PRDM15: variants seen among roughly 807,000 people sequenced by gnomAD.
The protein encoded by PRDM15 is PR/SET domain 15, also known as PR domain zinc finger protein 15.
A neutral mutation model predicts 128.6 loss-of-function variants in PRDM15; 64 were observed. That is an observed-to-expected ratio of 0.50 (90% CI 0.41 to 0.61). The LOEUF (loss-of-function observed/expected upper bound fraction) is 0.61, where lower values mean the gene tolerates loss of function less well. PRDM15 is among the 20% of genes least tolerant of loss of function. The pLI is 0.00. For synonymous variants in PRDM15, 615 were observed against 621.8 expected (o/e 0.99, Z 0.16); for missense variants, 1,242 against 1,569.1 (o/e 0.79, Z 3.52).
chr21:41,801,110 A>T lies in PRDM15; in HGVS notation c.*130T>A. On this transcript the variant is annotated 3_prime_UTR_variant, in exon 24 of 24. Coordinates refer to ENST00000398548, the MANE Select transcript of PRDM15 (RefSeq NM_001040424.3). ...GGTTGCTGGCGGGGGATCTGGAGAT[A>T]CTCTGCAAAGCTAAGTCAACCTTAC... The T allele has an allele frequency of 5.3e-6, 7 of 1,311,020 alleles. No individual in the cohort carries two copies. The highest frequency in any genetic ancestry group is 7.2e-6 in the Non-Finnish European group (7 of 971,572). The allele number at this position is 1,311,020 out of a possible 1,614,324, so 81.2% of individuals were successfully genotyped here. A position where few individuals can be genotyped will look rare whatever the true frequency, so the allele number is the denominator to read the frequency against.
intron 22 of PRDM15, among the ~76,000 whole-genome samples, chr21:41,803,752 T>C (rs2061480823): frequency 6.6e-6 from 1 of 152,136 alleles, no homozygotes; most frequent in South Asian, 2.1e-4. Context: ...CCCAGTGCCC[T>C]TCATGAAGAC....
intron 17 of PRDM15, 44 bp downstream of exon 17, chr21:41,820,051 C>G (rs764643606): frequency 6.5e-7 from 1 of 1,536,714 alleles, no homozygotes; most frequent in Non-Finnish European, 9.0e-7. Flanking sequence ...CCTGCCAGCC[C>G]CCTCCAGCGA....
chr21:41,823,461 G>A lies in PRDM15; in HGVS notation c.1630-12C>T. Reference sequence around the variant, plus strand: ...CGGCAGGAGAACACCTGTGGCAGAGGAGCCGCATGGTGAGGGGCTGCGGCG... The same window carrying A: ...CGGCAGGAGAACACCTGTGGCAGAGAAGCCGCATGGTGAGGGGCTGCGGCG... On this transcript the variant is annotated splice_polypyrimidine_tract_variant and intron_variant, in intron 13 of 23. Transcript: ENST00000398548. The A allele has an allele frequency of 1.3e-6, 2 of 1,548,178 alleles. No individual in the cohort carries two copies. The highest frequency in any genetic ancestry group is 8.7e-7 in the Non-Finnish European group (1 of 1,146,522).
intron 16 of PRDM15, 35 bp from the exon 17 acceptor site, chr21:41,820,209 G>A (rs771290267): frequency 5.1e-6 from 8 of 1,578,288 alleles, no homozygotes; most frequent in Non-Finnish European, 7.0e-6. Flanking sequence ...TGGCCGCACA[G>A]CCTCGGGGCT....
intron 1 of PRDM15, among the ~76,000 whole-genome samples, chr21:41,871,096 T>C (rs1202910051): frequency 6.6e-6 from 1 of 152,146 alleles, no homozygotes; most frequent in African/African-American, 2.4e-5. Context: ...AAAACACAGA[T>C]ACAGATGGGT....
rs761290191 is a variant in PRDM15, at chr21:41,871,515, GTCGCAGGCCTGCAC to G, written c.-10+7741_-10+7754del. The stretch of plus-strand genomic sequence containing the variant: ...CCACCAGGAGGTAGGGCAGGATTGC[GTCGCAGGCCTGCAC>G]TCGCAGGGCTCAGTGGCTCAGTGTC... On this transcript the variant is annotated intron_variant, in intron 1 of 23. Transcript: ENST00000398548. 6.8e-6 allele frequency: 11 copies of G among 1,606,556 alleles called. No homozygotes were observed. In the Admixed American group the frequency reaches 1.5e-4, roughly 22 times the overall value.
At position 41,821,882 on chromosome 21, in the gene PRDM15, C is replaced by T. The variant is rs371590501; in HGVS notation, c.1896+21G>A. ...CTTCCTCTCCAGACCACCCAGGCAC[C>T]GCGGGGCAAACCCGCCATACCTGGC... is the stretch of plus-strand genomic sequence containing the variant. On this transcript the variant is annotated intron_variant, in intron 15 of 23. Coordinates refer to ENST00000398548, the MANE Select transcript of PRDM15 (RefSeq NM_001040424.3). The surrounding 1 kb of genome is among the most constrained non-coding windows in gnomAD (Gnocchi z 5.4). 133 of 1,612,902 alleles carry T rather than the reference C, an allele frequency of 8.2e-5. No homozygotes were observed. In the African/African-American group the frequency reaches 1.0e-3, roughly 12 times the overall value.
chr21:41,825,256 G>C (rs894798364), intron 13 of PRDM15, among the ~76,000 whole-genome samples: 1 of 152,238 alleles, frequency 6.6e-6, no homozygotes, highest in Admixed American at 6.5e-5. Flanking sequence ...CAGAACTTGG[G>C]GCCATGGCAG....
In PRDM15 at chr21:41,879,159, G is replaced by T. The variant is rs934660987; in HGVS notation, c.-10+111C>A. 2.2e-6 allele frequency: 2 copies of T among 918,350 alleles called. No individual in the cohort carries two copies. The highest frequency in any genetic ancestry group is 1.8e-5 in the African/African-American group (1 of 54,732). 56.9% of individuals were successfully genotyped at this position (918,350 alleles called of 1,614,324 possible). A position where few individuals can be genotyped will look rare whatever the true frequency, so the allele number is the denominator to read the frequency against. ...CGCGCGGCTGCCGGGCGCGGGGGGC[G>T]GGGGGCAGCGGGCCCAGGGCGCGCC... On this transcript the variant is annotated intron_variant, in intron 1 of 23. Coordinates refer to ENST00000398548, the MANE Select transcript of PRDM15 (RefSeq NM_001040424.3). The surrounding 1 kb of genome is among the most constrained non-coding windows in gnomAD (Gnocchi z 5.1).
intron 1 of PRDM15, chr21:41,878,676 G>C: frequency 6.6e-7 from 1 of 1,524,480 alleles, no homozygotes; most frequent in Non-Finnish European, 8.8e-7. Flanking sequence ...GGCGCAGGGG[G>C]TCTGGGAGAC....
intron 17 of PRDM15, 105 bp downstream of exon 17, chr21:41,819,989 CA>C: frequency 1.0e-6 from 1 of 954,778 alleles, no homozygotes; most frequent in Non-Finnish European, 1.6e-6. Context: ...ATGGGGGAGG[CA>C]AGGTGCGACG....
At position 41,801,142 on chromosome 21, in the gene PRDM15, A is replaced by G; in HGVS notation, c.*98T>C. ...AAAGCTAAGTCAACCTTACATTGCA[A>G]TGTATGACTTTTTGTTTGTTTGGTA... On this transcript the variant is annotated 3_prime_UTR_variant, in exon 24 of 24. Coordinates refer to ENST00000398548, the MANE Select transcript of PRDM15 (RefSeq NM_001040424.3). 1.4e-6 allele frequency: 2 copies of G among 1,462,280 alleles called. No homozygotes were observed. Among genetic ancestry groups the G allele is most frequent in the Non-Finnish European group, 1.8e-6 (2 of 1,103,252 alleles). The allele number at this position is 1,462,280 out of a possible 1,614,324, so 90.6% of individuals were successfully genotyped here.
chr21:41,845,982 A>G (rs1221051434), intron 6 of PRDM15, among the ~76,000 whole-genome samples: 1 of 152,034 alleles, frequency 6.6e-6, no homozygotes, highest in Non-Finnish European at 1.5e-5. Context: ...TCTGCTATTT[A>G]TGTCTTGGTG....
At chr21:41,853,455 TTAAA>T (rs1194499500) in intron 5 of PRDM15, among the ~76,000 whole-genome samples, 1 of 152,222 alleles carries the variant, frequency 6.6e-6, no homozygotes, top group Non-Finnish European at 1.5e-5. Flanking sequence ...CATGGCAACA[TTAAA>T]TAACATTTGC....
rs1568879781 is a variant in PRDM15, at chr21:41,806,021, C to CCACCACCAT, written c.2653-1408_2653-1407insATGGTGGTG. 9.6e-4 allele frequency among the ~76,000 whole-genome samples: 25 copies of CCACCACCAT among 26,130 alleles called. 2 individuals carry two copies. The highest frequency in any genetic ancestry group is 7.2e-3 in the Admixed American group (22 of 3,068). The allele number at this position is 26,130 out of a possible 152,430, so 17.1% of individuals were successfully genotyped here. On this transcript the variant is annotated intron_variant, in intron 21 of 23. Coordinates refer to ENST00000398548, the MANE Select transcript of PRDM15 (RefSeq NM_001040424.3). Reference sequence around the variant, plus strand: ...ACCACCACCATCACCACCACCATCACCACCACCACCATCACCACCACCATC... The same window carrying CCACCACCAT: ...ACCACCACCATCACCACCACCATCACCACCACCATCACCACCACCATCACCACCACCATC...
chr21:41,857,521 AG>A (rs1490460843), intron 3 of PRDM15, among the ~76,000 whole-genome samples, 192 bp from the exon 4 acceptor site: 1 of 152,230 alleles, frequency 6.6e-6, no homozygotes, highest in Non-Finnish European at 1.5e-5. Flanking sequence ...GCACTTTGGA[AG>A]GCCAAGGTGT....
chr21:41,836,083 G>T, intron 10 of PRDM15, 30 bp downstream of exon 10: 1 of 1,533,058 alleles, frequency 6.5e-7, no homozygotes, highest in Non-Finnish European at 9.0e-7. Context: ...ACACAACTGG[G>T]AAGAGAACCC....
chr21:41,823,500 A>G (rs942898215), intron 13 of PRDM15, 51 bp from the exon 14 acceptor site: 2 of 1,527,726 alleles, frequency 1.3e-6, no homozygotes, highest in African/African-American at 2.7e-5. Flanking sequence ...CGTGACGGGA[A>G]GGAGCCTCTC....
intron 5 of PRDM15, among the ~76,000 whole-genome samples, chr21:41,848,402 A>G (rs935520043): frequency 2.0e-5 from 3 of 152,252 alleles, no homozygotes; most frequent in Admixed American, 6.5e-5. Flanking sequence ...GAAAGAGCAG[A>G]AAACGGTGTG....
Sources: gnomAD v4.1 joint callset for allele counts (sites outside exome capture counted in the v4.1 genomes callset) on GRCh38, gnomAD v4.1.1 for gene constraint, Gnocchi (gnomAD v3.1) non-coding constraint, MANE v1.5 for transcripts, NCBI Gene and HGNC (gene_info 2026-07-23, HGNC 2026-07-21) for gene names.